Variants in CMSS1 observed in about 807,000 individuals in gnomAD.
The protein encoded by CMSS1 is cms1 ribosomal small subunit homolog.
CMSS1 carries 33 observed loss-of-function variants against 43.5 expected under a neutral mutation model. That is an observed-to-expected ratio of 0.76 (90% CI 0.57 to 1.01). The LOEUF (loss-of-function observed/expected upper bound fraction) is 1.01. CMSS1 is among the 50% of genes least tolerant of loss of function. The pLI, the probability that CMSS1 is intolerant of heterozygous loss-of-function variation, is 0.00. For synonymous variants in CMSS1, 115 were observed against 117.2 expected (o/e 0.98, Z 0.12); for missense variants, 313 against 326.4 (o/e 0.96, Z 0.32).
intron 1 of CMSS1, among the ~76,000 whole-genome samples, chr3:99,868,187 G>A (rs1944614116): frequency 6.6e-6 from 1 of 152,154 alleles, no homozygotes; most frequent in African/African-American, 2.4e-5. Context: ...TACTTCAGAT[G>A]AGTAAGACAT....
chr3:100,110,698 G>C (rs1207371027), intron 1 of CMSS1, among the ~76,000 whole-genome samples: 1 of 152,120 alleles, frequency 6.6e-6, no homozygotes, highest in Non-Finnish European at 1.5e-5. Context: ...GCTCTGCTCA[G>C]CTCTGTATAG....
intron 1 of CMSS1, among the ~76,000 whole-genome samples, chr3:99,941,259 T>C (rs1439933918): frequency 1.3e-5 from 2 of 152,196 alleles, no homozygotes; most frequent in Non-Finnish European, 2.9e-5. Flanking sequence ...TGAAGTGTTA[T>C]AAAGCTCACA....
At chr3:99,872,692 G>T (rs78535510) in intron 1 of CMSS1, among the ~76,000 whole-genome samples, 2,620 of 151,964 alleles carry the variant, frequency 0.017, 34 homozygotes, top group Middle Eastern at 0.034. Flanking sequence ...ACTGGAAAAA[G>T]AATACTGCTA....
At chr3:99,876,588 G>A (rs1479586351) in intron 1 of CMSS1, among the ~76,000 whole-genome samples, 1 of 152,160 alleles carries the variant, frequency 6.6e-6, no homozygotes. Context: ...GGGGGTAGGC[G>A]GGAGAGGGAA....
At chr3:100,017,554 C>T (rs1045022207) in intron 1 of CMSS1, among the ~76,000 whole-genome samples, 1 of 152,174 alleles carries the variant, frequency 6.6e-6, no homozygotes, top group Admixed American at 6.5e-5. Context: ...GTACTTTGTG[C>T]TGTCAGCAAC....
chr3:99,839,311 T>C (rs1433683717), intron 1 of CMSS1, among the ~76,000 whole-genome samples: 1 of 152,242 alleles, frequency 6.6e-6, no homozygotes, highest in Non-Finnish European at 1.5e-5. Flanking sequence ...TCTGCATAGC[T>C]GCCTGGCACA....
chr3:100,157,502 A>G (rs908855032), intron 2 of CMSS1, among the ~76,000 whole-genome samples: 3 of 152,216 alleles, frequency 2.0e-5, no homozygotes, highest in Admixed American at 2.0e-4. Flanking sequence ...CAATTAGTGT[A>G]TTCATGGTAG....
Position 100,027,434 on chromosome 3 carries a change from T to C in CMSS1, c.65-119539T>C, listed in dbSNP as rs182317236. On this transcript the variant is annotated intron_variant, in intron 1 of 9. Transcript: ENST00000421999. ...AGGCCAAACCTGGGCTGTACTTCTT[T>C]TGGCCTAGAGTCAAAAAGAAGAATG... Among the ~76,000 whole-genome samples the C allele has an allele frequency of 1.1e-4, 16 of 152,294 alleles. No homozygotes were observed. The East Asian group carries it at 1.3e-3, about 13-fold the overall frequency.
At chr3:99,864,251 T>A (rs1944402889) in intron 1 of CMSS1, among the ~76,000 whole-genome samples, 1 of 152,138 alleles carries the variant, frequency 6.6e-6, no homozygotes, top group African/African-American at 2.4e-5. Flanking sequence ...CCAGGCAGAT[T>A]AATACTATGC....
chr3:100,055,046 A>G (rs1171523439), intron 1 of CMSS1, among the ~76,000 whole-genome samples: 1 of 152,000 alleles, frequency 6.6e-6, no homozygotes, highest in African/African-American at 2.4e-5. Flanking sequence ...CCTGGCCCAT[A>G]GTATTTTGTT....
chr3:100,089,186 C>T (rs2066062479), intron 1 of CMSS1, among the ~76,000 whole-genome samples: 1 of 152,164 alleles, frequency 6.6e-6, no homozygotes, highest in Admixed American at 6.5e-5. Context: ...TACATTCCAA[C>T]GTCTAGCTCT....
intron 1 of CMSS1, among the ~76,000 whole-genome samples, chr3:100,004,413 A>G (rs916147752): frequency 6.6e-6 from 1 of 152,204 alleles, no homozygotes; most frequent in Admixed American, 6.5e-5. Flanking sequence ...TGTTCATAAG[A>G]GAACTGTGTT....
chr3:100,097,932 T>C (rs1454868274), intron 1 of CMSS1, among the ~76,000 whole-genome samples: 3 of 152,246 alleles, frequency 2.0e-5, no homozygotes, highest in Non-Finnish European at 4.4e-5. Context: ...ATTTATTTTG[T>C]TGGTTTTTTA....
chr3:99,955,315 A>G (rs1708291214), intron 1 of CMSS1, among the ~76,000 whole-genome samples: 1 of 152,252 alleles, frequency 6.6e-6, no homozygotes, highest in Non-Finnish European at 1.5e-5. Context: ...AATGACAAGG[A>G]GTATAAACAG....
chr3:100,054,066 T>C (rs1349052084), intron 1 of CMSS1, among the ~76,000 whole-genome samples: 1 of 152,242 alleles, frequency 6.6e-6, no homozygotes, highest in East Asian at 1.9e-4. Flanking sequence ...CCAAATCTTT[T>C]ACCACTTGAG....
chr3:99,825,338 A>G (rs1311388841), intron 1 of CMSS1, among the ~76,000 whole-genome samples: 1 of 152,196 alleles, frequency 6.6e-6, no homozygotes, highest in East Asian at 1.9e-4. Context: ...TGCAAATAGT[A>G]TTGACAGATA....
chr3:100,053,152 T>C (rs2065402085), intron 1 of CMSS1, among the ~76,000 whole-genome samples: 1 of 152,206 alleles, frequency 6.6e-6, no homozygotes, highest in Non-Finnish European at 1.5e-5. Context: ...TTGTAAGTCA[T>C]TGTATAATTC....
chr3:100,021,993 G>GAT (rs1559728716), intron 1 of CMSS1, among the ~76,000 whole-genome samples: 9 of 146,560 alleles, frequency 6.1e-5, no homozygotes, highest in African/African-American at 2.3e-4. Context: ...GAGAGAGAGA[G>GAT]ATATGAGGGG....
intron 4 of CMSS1, among the ~76,000 whole-genome samples, chr3:100,162,945 A>G (rs2067036787): frequency 6.6e-6 from 1 of 152,226 alleles, no homozygotes; most frequent in African/African-American, 2.4e-5. Flanking sequence ...ATTGCACTCC[A>G]GCCTGGGGGA....
Sources: allele counts gnomAD v4.1 joint callset (sites outside exome capture counted in the v4.1 genomes callset), GRCh38; gene constraint gnomAD v4.1.1; transcripts MANE v1.5; gene names NCBI Gene and HGNC (gene_info 2026-07-23, HGNC 2026-07-21).